FGF14: variants seen among roughly 807,000 people sequenced by gnomAD.
FGF14 encodes fibroblast growth factor 14.
A neutral mutation model predicts 25.5 loss-of-function variants in FGF14; 5 were observed. The observed-to-expected ratio is 0.20, with a 90% confidence interval of 0.10 to 0.41. The LOEUF is 0.41. Among genes scored for constraint, FGF14 ranks in the 10% least tolerant of loss-of-function variants. The probability of loss-of-function intolerance (pLI) is 1.00; values close to 1 mark genes in which losing one functional copy is unlikely to be tolerated. For missense variants in FGF14, 222 were observed against 320.1 expected, an observed-to-expected ratio of 0.69 and a Z score of 2.34; for synonymous variants, 138 against 118.3, an observed-to-expected ratio of 1.17 and a Z score of -1.08.
chr13:101,939,837 G>T (rs1020797862), intron 1 of FGF14, among the ~76,000 whole-genome samples: 21 of 152,036 alleles, frequency 1.4e-4, no homozygotes, highest in African/African-American at 4.8e-4. Flanking sequence ...ATAAAAACGA[G>T]ACAAAGAAAT....
At chr13:101,983,773 C>G (rs1438795630) in intron 1 of FGF14, among the ~76,000 whole-genome samples, 1 of 152,118 alleles carries the variant, frequency 6.6e-6, no homozygotes, top group Non-Finnish European at 1.5e-5. Context: ...TTCTGGGCAG[C>G]CATAGACTAC....
chr13:101,721,610 A>ATATG lies in FGF14; in HGVS notation c.*1217_*1220dup, dbSNP rs2034991933. The ATATG allele has an allele frequency of 6.6e-6, 1 of 152,114 alleles. No homozygotes were observed. Among genetic ancestry groups the ATATG allele is most frequent in the Non-Finnish European group, 1.5e-5 (1 of 68,006 alleles). The allele number at this position is 152,114 out of a possible 1,614,324, so 9.4% of individuals were successfully genotyped here. ...TGAGCTAAAAAAAATATTTTTCCTAATATGTCCAGTTTAAAAACTTGTCAT... is the reference window on the plus strand; with the variant it reads ...TGAGCTAAAAAAAATATTTTTCCTAATATGTATGTCCAGTTTAAAAACTTGTCAT... On this transcript the variant is annotated 3_prime_UTR_variant, in exon 5 of 5. Coordinates refer to ENST00000376143, the MANE Select transcript of FGF14 (RefSeq NM_004115.4).
intron 1 of FGF14, among the ~76,000 whole-genome samples, chr13:102,000,845 T>C (rs1334037465): frequency 6.6e-6 from 1 of 152,212 alleles, no homozygotes; most frequent in African/African-American, 2.4e-5. Context: ...AAAATGCCAA[T>C]GGAAATGTCC....
chr13:102,143,323 T>C (rs543301955), intron 1 of FGF14, among the ~76,000 whole-genome samples: 2 of 152,274 alleles, frequency 1.3e-5, no homozygotes, highest in African/African-American at 4.8e-5. Flanking sequence ...AAATAACTAT[T>C]AACCCTTCTA....
At chr13:102,388,790 A>G (rs1170319161) in intron 1 of FGF14, among the ~76,000 whole-genome samples, 1 of 152,142 alleles carries the variant, frequency 6.6e-6, no homozygotes, top group African/African-American at 2.4e-5. Context: ...ATACAACCCA[A>G]TTATAATTGA....
At chr13:102,151,191 A>G (rs1202125090) in intron 1 of FGF14, among the ~76,000 whole-genome samples, 1 of 152,166 alleles carries the variant, frequency 6.6e-6, no homozygotes, top group Non-Finnish European at 1.5e-5. Context: ...CAGGGGGCTA[A>G]CTTATTTTAA....
At chr13:101,832,615 C>T (rs916903103) in intron 3 of FGF14, among the ~76,000 whole-genome samples, 9 of 151,858 alleles carry the variant, frequency 5.9e-5, no homozygotes, top group African/African-American at 1.7e-4. Flanking sequence ...AACCCAAGAA[C>T]GGAGTGGAAG....
intron 1 of FGF14, among the ~76,000 whole-genome samples, chr13:102,004,843 C>T (rs2039697369): frequency 6.6e-6 from 1 of 152,156 alleles, no homozygotes; most frequent in African/African-American, 2.4e-5. Context: ...GCTTTACCCC[C>T]TTTGCTTGGC....
At chr13:102,393,603 ACTGT>A (rs1371791313) in intron 1 of FGF14, among the ~76,000 whole-genome samples, 1 of 152,222 alleles carries the variant, frequency 6.6e-6, no homozygotes, top group African/African-American at 2.4e-5. Context: ...AAATCTTAAA[ACTGT>A]CTAAGGAAAA....
At chr13:101,907,650 G>T (rs2139042718) in intron 1 of FGF14, among the ~76,000 whole-genome samples, 1 of 152,216 alleles carries the variant, frequency 6.6e-6, no homozygotes, top group East Asian at 1.9e-4. Context: ...AAAGAGTTTT[G>T]CCAGTAACAG....
chr13:102,329,824 C>T (rs2056579112), intron 1 of FGF14, among the ~76,000 whole-genome samples: 1 of 152,126 alleles, frequency 6.6e-6, no homozygotes, highest in Admixed American at 6.5e-5. Context: ...CTCACCCTTT[C>T]CATGGCCCTT....
chr13:102,097,310 A>C (rs1364829032), intron 1 of FGF14, among the ~76,000 whole-genome samples: 1 of 152,244 alleles, frequency 6.6e-6, no homozygotes, highest in African/African-American at 2.4e-5. Flanking sequence ...CCAAATTTCC[A>C]GAAAGGGCAG....
chr13:102,062,731 G>A (rs974128354), intron 1 of FGF14, among the ~76,000 whole-genome samples: 1 of 152,220 alleles, frequency 6.6e-6, no homozygotes, highest in Admixed American at 6.5e-5. Context: ...TACACAATCT[G>A]TTCCATAGCC....
chr13:102,177,725 A>C (rs1012440839), intron 1 of FGF14, among the ~76,000 whole-genome samples: 24 of 151,964 alleles, frequency 1.6e-4, no homozygotes, highest in African/African-American at 5.8e-4. Context: ...TCCAAAGGGA[A>C]GTCTATTACC....
chr13:101,871,827 G>T (rs1170533254), intron 2 of FGF14, among the ~76,000 whole-genome samples: 2 of 151,914 alleles, frequency 1.3e-5, no homozygotes, highest in Non-Finnish European at 2.9e-5. Context: ...CCATTATTAT[G>T]GTAGTCAATA....
intron 1 of FGF14, among the ~76,000 whole-genome samples, chr13:102,347,312 A>C (rs757694985): frequency 2.5e-4 from 38 of 152,164 alleles, no homozygotes; most frequent in Non-Finnish European, 1.0e-4. Context: ...AACTCATCAC[A>C]GTATTGCTAA....
chr13:101,978,311 T>A (rs1447274036), intron 1 of FGF14, among the ~76,000 whole-genome samples: 1 of 152,216 alleles, frequency 6.6e-6, no homozygotes, highest in Non-Finnish European at 1.5e-5. Context: ...GATGTGGCAT[T>A]TTCTTGACAT....
At chr13:102,249,082 T>C (rs7983674) in intron 1 of FGF14, among the ~76,000 whole-genome samples, 8,462 of 152,192 alleles carry the variant, frequency 0.056, 314 homozygotes, top group Non-Finnish European at 0.081. Flanking sequence ...GGAATGCTCA[T>C]TGCAGACATA....
intron 1 of FGF14, among the ~76,000 whole-genome samples, chr13:102,286,990 G>T (rs1334342905): frequency 6.6e-6 from 1 of 151,956 alleles, no homozygotes; most frequent in African/African-American, 2.4e-5. Context: ...GGGGGAGGGG[G>T]AGGGGGAGGG....
Sources: gnomAD v4.1 joint callset for allele counts (sites outside exome capture counted in the v4.1 genomes callset) on GRCh38, gnomAD v4.1.1 for gene constraint, MANE v1.5 for transcripts, NCBI Gene and HGNC (gene_info 2026-07-23, HGNC 2026-07-21) for gene names.